Variants in TNPO1 observed in about 807,000 individuals in gnomAD.
TNPO1 encodes transportin 1.
Under a neutral mutation model 119.5 loss-of-function variants are expected in TNPO1, and 8 were observed. The observed-to-expected ratio is 0.07, with a 90% CI of 0.04 to 0.12. TNPO1 has a LOEUF of 0.12. Ranked by LOEUF, TNPO1 falls within the 10% of genes least tolerant of loss-of-function variation. The pLI is 1.00. For synonymous variants in TNPO1, 362 were observed against 363.0 expected, an observed-to-expected ratio of 1.00 and a Z score of 0.03; for missense variants, 576 against 1,089.8, an observed-to-expected ratio of 0.53 and a Z score of 6.64.
At chr5:72,880,067 A>G (rs1242722311) in intron 9 of TNPO1, among the ~76,000 whole-genome samples, 1 of 152,232 alleles carries the variant, frequency 6.6e-6, no homozygotes, top group East Asian at 1.9e-4. Flanking sequence ...CATGCCTGTA[A>G]TTCCAGCTAC....
chr5:72,863,908 A>G (rs941866365), intron 5 of TNPO1, among the ~76,000 whole-genome samples: 1 of 152,236 alleles, frequency 6.6e-6, no homozygotes, highest in Non-Finnish European at 1.5e-5. Flanking sequence ...TTCCAAGAAT[A>G]AAAAATTTAA....
intron 20 of TNPO1, among the ~76,000 whole-genome samples, chr5:72,898,552 T>A (rs777545426): frequency 6.6e-6 from 1 of 152,166 alleles, no homozygotes; most frequent in Admixed American, 6.5e-5. Flanking sequence ...TGGGGTTTTT[T>A]AATTATTAAA....
chr5:72,826,883 A>T (rs1185576761), intron 1 of TNPO1, among the ~76,000 whole-genome samples: 1 of 152,158 alleles, frequency 6.6e-6, no homozygotes, highest in Non-Finnish European at 1.5e-5. Flanking sequence ...TGAATTTCAT[A>T]TGTATTGTTT....
intron 24 of TNPO1, among the ~76,000 whole-genome samples, chr5:72,906,814 G>C (rs1172507733): frequency 1.3e-5 from 2 of 152,128 alleles, no homozygotes; most frequent in Non-Finnish European, 2.9e-5. Flanking sequence ...AGTTGACTCA[G>C]TAAAGGTTAG....
intron 6 of TNPO1, among the ~76,000 whole-genome samples, chr5:72,867,329 A>G (rs1017699782): frequency 6.6e-6 from 1 of 152,172 alleles, no homozygotes; most frequent in Non-Finnish European, 1.5e-5. Context: ...GATATTCTAC[A>G]TTATTTAATA....
intron 18 of TNPO1, among the ~76,000 whole-genome samples, chr5:72,894,212 A>G (rs888912852): frequency 5.3e-5 from 8 of 151,810 alleles, no homozygotes; most frequent in Admixed American, 2.6e-4. Context: ...ACTTGAGGTC[A>G]GGAGTGCGAG....
intron 14 of TNPO1, among the ~76,000 whole-genome samples, chr5:72,890,691 T>C (rs1379345894): frequency 2.0e-5 from 3 of 152,208 alleles, no homozygotes; most frequent in Non-Finnish European, 4.4e-5. Context: ...TGCCCCTGTT[T>C]ACATGATCAC....
At chr5:72,905,476 G>A in intron 24 of TNPO1, 31 bp downstream of exon 24, 1 of 1,180,146 alleles carries the variant, frequency 8.5e-7, no homozygotes, top group Non-Finnish European at 1.2e-6. Context: ...AAATTTTCAG[G>A]ATGAAGAAAA....
intron 20 of TNPO1, among the ~76,000 whole-genome samples, chr5:72,898,668 G>A (rs114731167): frequency 0.038 from 5,720 of 151,904 alleles, 363 homozygotes; most frequent in African/African-American, 0.13. Context: ...GCTTTTTTCC[G>A]ATTAGTATAT....
At chr5:72,846,753 T>G (rs974929943) in intron 1 of TNPO1, among the ~76,000 whole-genome samples, 1 of 152,190 alleles carries the variant, frequency 6.6e-6, no homozygotes, top group Non-Finnish European at 1.5e-5. Context: ...ACAGATGGGT[T>G]CACTTTGTAA....
chr5:72,884,019 G>A (rs766084074), intron 11 of TNPO1, among the ~76,000 whole-genome samples: 7 of 152,066 alleles, frequency 4.6e-5, no homozygotes, highest in Non-Finnish European at 1.5e-5. Flanking sequence ...CAAAGTGCTA[G>A]GATTACAGGC....
chr5:72,822,908 CTTTTTTTTTT>C (rs56331096), intron 1 of TNPO1, among the ~76,000 whole-genome samples: 1 of 76,080 alleles, frequency 1.3e-5, no homozygotes, highest in African/African-American at 5.2e-5. Context: ...TGGGTCTACA[CTTTTTTTTTT>C]TTTTTTTTTT....
intron 1 of TNPO1, among the ~76,000 whole-genome samples, chr5:72,835,936 T>A (rs1744676412): frequency 6.6e-6 from 1 of 152,258 alleles, no homozygotes; most frequent in Non-Finnish European, 1.5e-5. Flanking sequence ...AGATTAAATC[T>A]TAAGGCTCCA....
chr5:72,858,932 C>G (rs1193068666), intron 4 of TNPO1, among the ~76,000 whole-genome samples: 1 of 145,926 alleles, frequency 6.9e-6, no homozygotes, highest in Non-Finnish European at 1.5e-5. Flanking sequence ...CACATTGGTG[C>G]TTTCCAACAA....
At chr5:72,820,899 A>G (rs1743928971) in intron 1 of TNPO1, among the ~76,000 whole-genome samples, 2 of 152,300 alleles carry the variant, frequency 1.3e-5, no homozygotes, top group South Asian at 2.1e-4. Context: ...GGTAACAACT[A>G]TATAAAACCG....
chr5:72,821,038 C>T (rs1217337458), intron 1 of TNPO1, among the ~76,000 whole-genome samples: 5 of 151,866 alleles, frequency 3.3e-5, no homozygotes, highest in South Asian at 2.1e-4. Flanking sequence ...TGAAAAGGCC[C>T]GTAAGTGCTA....
At chr5:72,841,171 A>AGT (rs1744896065) in intron 1 of TNPO1, among the ~76,000 whole-genome samples, 1 of 142,776 alleles carries the variant, frequency 7.0e-6, no homozygotes, top group Non-Finnish European at 1.5e-5. Context: ...CCCAGGCTGG[A>AGT]GTGCAATGGC....
rs935681153 is a variant in TNPO1, at chr5:72,910,427, A to T, written c.*1754A>T. On this transcript the variant is annotated 3_prime_UTR_variant, in exon 25 of 25. Coordinates refer to ENST00000337273, the MANE Select transcript of TNPO1 (RefSeq NM_002270.4). ...TCATATGAAAGTGCAAGTCTTTATT[A>T]ATTTGGATTGCCTGAACAGTGTATC... 4.6e-5 allele frequency: 7 copies of T among 152,586 alleles called. No individual in the cohort carries two copies. The highest frequency in any genetic ancestry group is 3.8e-4 in the East Asian group (2 of 5,196). The allele number at this position is 152,586 out of a possible 1,614,324, so 9.5% of individuals were successfully genotyped here.
Position 72,875,726 on chromosome 5 carries a change from A to T in TNPO1, c.790A>T (p.Asn264Tyr), listed in dbSNP as rs763721453. 6.2e-7 allele frequency: 1 copy of T among 1,606,162 alleles called. No homozygotes were observed. Among genetic ancestry groups the T allele is most frequent in the South Asian group, 1.1e-5 (1 of 90,466 alleles). Residue 264 changes from asparagine to tyrosine, a missense_variant, in exon 8 of 25, where the codon AAT becomes TAT. By Grantham distance (143) the Asn-to-Tyr change is moderately radical. Transcript: ENST00000337273. ...RMDRLLPHMHNIVEYMLQRTQ... is the reference protein window; with the variant it reads ...RMDRLLPHMHYIVEYMLQRTQ... ...GGATCGCCTGCTTCCTCACATGCATAATATAGTTGAGGTAACACTGGCAAT... is the reference window on the plus strand; with the variant it reads ...GGATCGCCTGCTTCCTCACATGCATTATATAGTTGAGGTAACACTGGCAAT...
Sources: gnomAD v4.1 joint callset for allele counts (sites outside exome capture counted in the v4.1 genomes callset) on GRCh38, gnomAD v4.1.1 for gene constraint, MANE v1.5 for transcripts, NCBI Gene and HGNC (gene_info 2026-07-23, HGNC 2026-07-21) for gene names.